Variants in FAM185A observed in about 807,000 individuals in gnomAD.
FAM185A encodes protein FAM185A.
FAM185A carries 21 observed loss-of-function variants against 45.7 expected under a neutral mutation model. The observed-to-expected ratio is 0.46, with a 90% CI of 0.33 to 0.66. FAM185A has a LOEUF of 0.66. Among genes scored for constraint, FAM185A ranks in the 30% least tolerant of loss-of-function variants. The pLI is 0.03. For missense variants in FAM185A, 305 were observed against 485.4 expected (o/e 0.63, Z 3.49); for synonymous variants, 117 against 194.0 (o/e 0.60, Z 3.30).
intron 4 of FAM185A, among the ~76,000 whole-genome samples, chr7:102,770,836 A>C (rs1794702659): frequency 1.3e-5 from 2 of 152,330 alleles, no homozygotes; most frequent in South Asian, 4.1e-4. Flanking sequence ...CCACCATTCA[A>C]CCCAGCAATT....
the FAM185A span, among the ~76,000 whole-genome samples, chr7:102,839,760 T>G: frequency 6.6e-6 from 1 of 152,206 alleles, no homozygotes; most frequent in Non-Finnish European, 1.5e-5. Flanking sequence ...AAAAATATTT[T>G]GAGCATACAC....
chr7:102,783,338 A>AGAAT (rs1795541571), intron 6 of FAM185A, among the ~76,000 whole-genome samples: 2 of 152,192 alleles, frequency 1.3e-5, no homozygotes, highest in South Asian at 2.1e-4. Context: ...CCAAATCAAC[A>AGAAT]GAATATACAT....
intron 7 of FAM185A, among the ~76,000 whole-genome samples, chr7:102,793,057 C>G (rs192541337): frequency 1.5e-3 from 221 of 152,256 alleles, no homozygotes; most frequent in African/African-American, 4.9e-3. Context: ...AATTTGTCAG[C>G]AATGTATATA....
intron 5 of FAM185A, among the ~76,000 whole-genome samples, chr7:102,773,249 G>A (rs1794863025): frequency 6.6e-6 from 1 of 150,378 alleles, no homozygotes; most frequent in South Asian, 2.1e-4. Flanking sequence ...TGAGGAAAGT[G>A]GTAGGATATG....
intron 1 of FAM185A, among the ~76,000 whole-genome samples, chr7:102,750,898 G>GT (rs761273203): frequency 6.6e-6 from 1 of 152,142 alleles, no homozygotes. Context: ...ATCTTGTGGG[G>GT]TTTTTTGTTT....
the FAM185A span, among the ~76,000 whole-genome samples, chr7:102,835,603 G>GCT: frequency 4.1e-5 from 4 of 97,524 alleles, no homozygotes; most frequent in Non-Finnish European, 7.5e-5. Flanking sequence ...AGGTGACATT[G>GCT]TTTTTTTTTT....
the FAM185A span, among the ~76,000 whole-genome samples, chr7:102,840,655 T>C: frequency 6.6e-6 from 1 of 152,204 alleles, no homozygotes; most frequent in African/African-American, 2.4e-5. Context: ...CTATTATCAG[T>C]ACTGCTTTCA....
rs1793864465 is a variant in FAM185A, at chr7:102,757,967, T to C, written c.654+21T>C. 7.1e-6 allele frequency: 11 copies of C among 1,542,674 alleles called. No individual in the cohort carries two copies. In the African/African-American group the frequency reaches 8.3e-5, roughly 12 times the overall value. ...AAAGTGTAAGATTGAAACTTTCTTT[T>C]TTTTTTTAGTAATTGCAACTTTGCT... On this transcript the variant is annotated intron_variant, in intron 3 of 7. Transcript: ENST00000413034.
intron 7 of FAM185A, among the ~76,000 whole-genome samples, chr7:102,793,509 G>A (rs1472147573): frequency 6.6e-6 from 1 of 151,832 alleles, no homozygotes; most frequent in Admixed American, 6.6e-5. Flanking sequence ...GCATCCGGCC[G>A]CTTTTATGGT....
At chr7:102,770,066 A>T (rs1421443892) in intron 4 of FAM185A, among the ~76,000 whole-genome samples, 1 of 152,152 alleles carries the variant, frequency 6.6e-6, no homozygotes. Flanking sequence ...GAGTATGGAA[A>T]CACCCACTGT....
the FAM185A span, among the ~76,000 whole-genome samples, chr7:102,846,400 C>G: frequency 6.6e-6 from 1 of 152,084 alleles, no homozygotes; most frequent in African/African-American, 2.4e-5. Context: ...GGCAGATCAC[C>G]TGAGGTCAGG....
downstream of FAM185A, among the ~76,000 whole-genome samples, chr7:102,813,996 G>C (rs1224097381): frequency 6.6e-6 from 1 of 152,076 alleles, no homozygotes; most frequent in Non-Finnish European, 1.5e-5. Flanking sequence ...CTCCCTGAAA[G>C]TTCATGCAGT....
chr7:102,845,870 G>A, the FAM185A span, among the ~76,000 whole-genome samples: 2 of 152,222 alleles, frequency 1.3e-5, no homozygotes, highest in Admixed American at 6.5e-5. Flanking sequence ...TAGGTACCTC[G>A]CCTGAATCCT....
chr7:102,749,347 G>A lies in FAM185A; in HGVS notation c.140G>A (p.Trp47Ter). Reference sequence around the variant, plus strand: ...TACAGCTCAGGTGGGAGCGAGCGCTGGCCCGGATCGGAGACTGAGGTCCCT... The same window carrying A: ...TACAGCTCAGGTGGGAGCGAGCGCTAGCCCGGATCGGAGACTGAGGTCCCT... ...RPYSSGGSER[W>*]PGSETEVPPP... Residue 47 changes from tryptophan (W) to a stop codon, truncating the protein, a stop_gained, in exon 1 of 8, where the codon TGG (tryptophan) becomes TAG (stop). Coordinates refer to ENST00000413034, the MANE Select transcript of FAM185A (RefSeq NM_001145268.2). LOFTEE classifies it high-confidence loss of function. 6.5e-7 allele frequency: 1 copy of A among 1,549,116 alleles called. No homozygotes were observed. The highest frequency in any genetic ancestry group is 1.4e-5 in the African/African-American group (1 of 73,124).
chr7:102,784,781 G>A (rs1795667807), intron 6 of FAM185A, among the ~76,000 whole-genome samples: 1 of 152,198 alleles, frequency 6.6e-6, no homozygotes, highest in Non-Finnish European at 1.5e-5. Context: ...ACAAGACAGG[G>A]ATGCCCTCTC....
chr7:102,833,259 G>C, the FAM185A span, among the ~76,000 whole-genome samples: 1 of 152,152 alleles, frequency 6.6e-6, no homozygotes, highest in African/African-American at 2.4e-5. Context: ...GGTCAGTAAT[G>C]AGTAGAAGAA....
chr7:102,825,204 C>T, the FAM185A span, among the ~76,000 whole-genome samples: 11 of 152,198 alleles, frequency 7.2e-5, no homozygotes, highest in East Asian at 2.1e-3. Flanking sequence ...TTGTTCCCTC[C>T]AAAACACATA....
the FAM185A span, among the ~76,000 whole-genome samples, chr7:102,844,007 C>G: frequency 2.7e-4 from 41 of 152,222 alleles, no homozygotes; most frequent in East Asian, 7.3e-3. Flanking sequence ...GTGTCATCTG[C>G]AAGATATTAG....
chr7:102,837,949 C>G, the FAM185A span, among the ~76,000 whole-genome samples: 1 of 152,190 alleles, frequency 6.6e-6, no homozygotes, highest in Admixed American at 6.5e-5. Context: ...TTATCTTTGC[C>G]AACATCTGGC....
Sources: allele counts gnomAD v4.1 joint callset (sites outside exome capture counted in the v4.1 genomes callset), GRCh38; gene constraint gnomAD v4.1.1; transcripts MANE v1.5; gene names NCBI Gene and HGNC (gene_info 2026-07-23, HGNC 2026-07-21).